Variants in COL4A4 observed in about 807,000 individuals in gnomAD.
COL4A4 encodes collagen alpha-4(IV) chain.
A neutral mutation model predicts 192.9 loss-of-function variants in COL4A4; 105 were observed. That is an observed-to-expected ratio of 0.54 (90% CI 0.46 to 0.64). The LOEUF (loss-of-function observed/expected upper bound fraction) is 0.64, where lower values mean the gene tolerates loss of function less well. Among genes scored for constraint, COL4A4 ranks in the 30% least tolerant of loss-of-function variants. The pLI, the probability that COL4A4 is intolerant of heterozygous loss-of-function variation, is 0.00. For missense variants in COL4A4, 1,967 were observed against 2,169.3 expected (o/e 0.91, Z 1.85); for synonymous variants, 762 against 769.9 (o/e 0.99, Z 0.17).
chr2:227,017,030 C>CCAA (rs747749181), intron 44 of COL4A4, among the ~76,000 whole-genome samples: 15 of 152,142 alleles, frequency 9.9e-5, no homozygotes, highest in Admixed American at 2.6e-4. Context: ...ACATGGGGCC[C>CCAA]CAACAGTGAG....
At chr2:226,992,361 A>T in the COL4A4 span, among the ~76,000 whole-genome samples, 2 of 152,228 alleles carry the variant, frequency 1.3e-5, no homozygotes, top group Non-Finnish European at 2.9e-5. Flanking sequence ...CTCATATTCA[A>T]AACAGTGTAG....
chr2:227,147,737 T>TA (rs2063641138), intron 1 of COL4A4, among the ~76,000 whole-genome samples, 153 bp from the exon 2 acceptor site: 1 of 151,868 alleles, frequency 6.6e-6, no homozygotes, highest in East Asian at 1.9e-4. Context: ...TATCAGTTTT[T>TA]ATCTTCAGAA....
chr2:227,054,773 T>C lies in COL4A4; in HGVS notation c.2717-36A>G, dbSNP rs771972203. ...GAGAGCATAAAGTTTTAGGAAAATA[T>C]TTTATTTGTTATTTATTTTTTCAGG... is the stretch of plus-strand genomic sequence containing the variant. On this transcript the variant is annotated intron_variant, in intron 30 of 47. Transcript: ENST00000396625. 3 of 1,588,104 alleles carry C rather than the reference T, an allele frequency of 1.9e-6. No individual in the cohort carries two copies. The South Asian group carries it at 3.4e-5, about 18-fold the overall frequency.
chr2:227,041,846 A>AAGAAAGAAAAAGAGAGAGAGAG, intron 37 of COL4A4, among the ~76,000 whole-genome samples: 1 of 39,322 alleles, frequency 2.5e-5, no homozygotes, highest in South Asian at 1.1e-3. Context: ...GAAAGAAAGA[A>AAGAAAGAAAAAGAGAGAGAGAG]AGAGAAAGAA....
rs749306711 is a variant in COL4A4 at position 227,054,544 on chromosome 2, G to C, written c.2860+50C>G. On this transcript the variant is annotated intron_variant, in intron 31 of 47. Coordinates refer to ENST00000396625, the MANE Select transcript of COL4A4 (RefSeq NM_000092.5). ...TTTCAGAGATCACATTTCTAGGTTT[G>C]GATCAAATACCAGAAACAAATGCAT... is the stretch of plus-strand genomic sequence containing the variant. The C allele has an allele frequency of 1.9e-6, 3 of 1,602,830 alleles. No individual in the cohort carries two copies. In the East Asian group the frequency reaches 6.7e-5, roughly 36 times the overall value.
rs555350891 is a variant in COL4A4, at chr2:227,100,423, CTT to C, written c.1030-736_1030-735del. Among the ~76,000 whole-genome samples the C allele has an allele frequency of 6.0e-5, 9 of 149,930 alleles. No individual in the cohort carries two copies. The East Asian group carries it at 1.4e-3, about 23-fold the overall frequency. On this transcript the variant is annotated intron_variant, in intron 17 of 47. Transcript: ENST00000396625. ...ATTAAAGTACTATACAGTCAGCACTCTTATAAAAAATATTTTAAAAAAAATAA... is the reference window on the plus strand; with the variant it reads ...ATTAAAGTACTATACAGTCAGCACTCATAAAAAATATTTTAAAAAAAATAA...
the COL4A4 span, among the ~76,000 whole-genome samples, chr2:226,974,903 T>A: frequency 2.0e-5 from 3 of 152,186 alleles, no homozygotes; most frequent in Non-Finnish European, 4.4e-5. Flanking sequence ...GTGCTCCCAT[T>A]ACCATTTTCA....
chr2:227,098,112 G>A (rs1269627249), intron 19 of COL4A4, among the ~76,000 whole-genome samples: 4 of 152,152 alleles, frequency 2.6e-5, no homozygotes, highest in Admixed American at 1.3e-4. Flanking sequence ...TTTTTGACGC[G>A]AGGGAAGAAG....
Position 227,119,915 on chromosome 2 carries a change from GA to G in COL4A4, c.351del (p.Pro118GlnfsTer3). 1 of 1,585,112 alleles carries G rather than the reference GA, an allele frequency of 6.3e-7. No homozygotes were observed. The highest frequency in any genetic ancestry group is 8.6e-7 in the Non-Finnish European group (1 of 1,164,518). On this transcript the variant is annotated frameshift_variant, in exon 6 of 48. Transcript: ENST00000396625. LOFTEE classifies it high-confidence loss of function. The part of the protein sequence containing the change: ...GDKGPTGVPG[F>X]PGLDGIPGHP... Reference sequence around the variant, plus strand: ...CTTACAGGTATGCCATCTAAACCTGGAAATCCAGGAACACCAGTTGGACCCT... The same window carrying G: ...CTTACAGGTATGCCATCTAAACCTGGAATCCAGGAACACCAGTTGGACCCT...
chr2:227,030,473 G>C lies in COL4A4; in HGVS notation c.3943C>G (p.Pro1315Ala). ...TGGCCATCTTTTCCATCACATCCTG[G>C]AAAGCCTTTGTATCCTGGAGGGCCT... ...PPGPPGYKGF[P>A]GCDGKDGQKG... The change falls in exon 41 of 48, where the codon CCA becomes GCA. Residue 1315 changes from proline (P) to alanine (A), a missense_variant. Pro to Ala is a conservative substitution (Grantham distance 27, BLOSUM62 -1). Coordinates refer to ENST00000396625, the MANE Select transcript of COL4A4 (RefSeq NM_000092.5). 1 of 1,614,092 alleles carries C rather than the reference G, an allele frequency of 6.2e-7. No individual in the cohort carries two copies. The highest frequency in any genetic ancestry group is 1.3e-5 in the African/African-American group (1 of 75,016).
intron 25 of COL4A4, among the ~76,000 whole-genome samples, chr2:227,065,895 GAGA>G (rs2058305218): frequency 6.6e-6 from 1 of 152,260 alleles, no homozygotes; most frequent in Non-Finnish European, 1.5e-5. Flanking sequence ...GACGAGCTGA[GAGA>G]AGAAGGCTTC....
At chr2:226,988,398 A>G in the COL4A4 span, 1 of 1,550,548 alleles carries the variant, frequency 6.4e-7, no homozygotes, top group Non-Finnish European at 8.7e-7. Context: ...AGAACAGACA[A>G]AGGACCCAGA....
At chr2:227,011,450 G>A (rs920158555) in intron 45 of COL4A4, among the ~76,000 whole-genome samples, 5 of 152,098 alleles carry the variant, frequency 3.3e-5, no homozygotes, top group Admixed American at 6.5e-5. Context: ...CTGGAGCTGC[G>A]CTGCAGCTTT....
At chr2:227,113,824 G>C (rs1302743717) in intron 8 of COL4A4, among the ~76,000 whole-genome samples, 1 of 152,140 alleles carries the variant, frequency 6.6e-6, no homozygotes, top group Non-Finnish European at 1.5e-5. Flanking sequence ...CAGAACCTAG[G>C]GTCTCATAGA....
intron 8 of COL4A4, 26 bp downstream of exon 8, chr2:227,114,602 T>A (rs1303868848): frequency 6.2e-7 from 1 of 1,601,754 alleles, no homozygotes; most frequent in African/African-American, 1.3e-5. Flanking sequence ...AAAAATTTTT[T>A]AACCCATCAT....
intron 2 of COL4A4, among the ~76,000 whole-genome samples, chr2:227,145,138 C>T (rs1427226386): frequency 2.6e-5 from 4 of 152,232 alleles, no homozygotes; most frequent in South Asian, 4.1e-4. Flanking sequence ...TAACAGAGGA[C>T]ATATGCAATT....
intron 44 of COL4A4, 114 bp from the exon 45 acceptor site, chr2:227,012,411 G>C (rs1963936039): frequency 1.3e-6 from 1 of 788,864 alleles, no homozygotes; most frequent in African/African-American, 1.7e-5. Context: ...TTCCCACTTT[G>C]ACTGAATGCA....
chr2:227,041,153 C>G (rs1457555518), intron 37 of COL4A4, among the ~76,000 whole-genome samples: 2 of 152,048 alleles, frequency 1.3e-5, no homozygotes, highest in Non-Finnish European at 2.9e-5. Context: ...AATATATATT[C>G]ATTTCCACAT....
Position 227,094,155 on chromosome 2 carries a change from G to A in COL4A4, c.1339C>T (p.Pro447Ser). Residue 447 changes from proline to serine, a missense_variant, in exon 20 of 48, where the codon CCA becomes TCA. Transcript: ENST00000396625. The part of the protein sequence containing the change: ...KPGSPGLPGA[P>S]GLQGLPGSSV... ...GATCCTGGGAGGCCCTGCAGGCCTG[G>A]TGCTCCAGGCAAGCCAGGTGATCCT... The A allele has an allele frequency of 1.2e-6, 2 of 1,613,706 alleles. No individual in the cohort carries two copies. Among genetic ancestry groups the A allele is most frequent in the African/African-American group, 1.3e-5 (1 of 75,030 alleles).
Sources: allele counts gnomAD v4.1 joint callset (sites outside exome capture counted in the v4.1 genomes callset), GRCh38; gene constraint gnomAD v4.1.1; transcripts MANE v1.5; gene names NCBI Gene and HGNC (gene_info 2026-07-23, HGNC 2026-07-21).